KAZN: variants seen among roughly 807,000 people sequenced by gnomAD.
KAZN encodes the protein kazrin.
KAZN carries 40 observed loss-of-function variants against 87.4 expected under a neutral mutation model. The ratio of observed to expected loss-of-function variants is 0.46; its 90% CI spans 0.36 to 0.60. The LOEUF (loss-of-function observed/expected upper bound fraction) is 0.60. Among genes scored for constraint, KAZN ranks in the 20% least tolerant of loss-of-function variants. The pLI, the probability that KAZN is intolerant of heterozygous loss-of-function variation, is 0.00. For synonymous variants in KAZN, 466 were observed against 458.3 expected (o/e 1.02, Z -0.22); for missense variants, 898 against 1,073.9 (o/e 0.84, Z 2.29).
intron 1 of KAZN, among the ~76,000 whole-genome samples, chr1:14,624,403 C>T (rs1387938217): frequency 6.7e-6 from 1 of 150,212 alleles, no homozygotes; most frequent in Non-Finnish European, 1.5e-5. Context: ...GCCTGGCCAA[C>T]AGAGCGAGAC....
intron 2 of KAZN, among the ~76,000 whole-genome samples, chr1:14,406,535 C>T (rs1439353901): frequency 1.3e-5 from 2 of 151,710 alleles, no homozygotes; most frequent in African/African-American, 4.8e-5. Flanking sequence ...TTTGGGAACT[C>T]GAGGGGAAAG....
intron 2 of KAZN, among the ~76,000 whole-genome samples, chr1:14,447,461 G>T (rs6662566): frequency 0.11 from 16,714 of 151,716 alleles, 2,548 homozygotes; most frequent in African/African-American, 0.34. Flanking sequence ...GGATGGTCTC[G>T]ATCTTTTCAC....
Position 15,087,338 on chromosome 1 carries a change from TC to T in KAZN, c.1223-6841del, listed in dbSNP as rs548652747. Among the ~76,000 whole-genome samples, 78 of 136,622 alleles carry T rather than the reference TC, an allele frequency of 5.7e-4. 3 individuals are homozygous for T. The South Asian group carries it at 0.018, about 31-fold the overall frequency. The allele number at this position is 136,622 out of a possible 152,430, so 89.6% of individuals were successfully genotyped here. A position where few individuals can be genotyped will look rare whatever the true frequency, so the allele number is the denominator to read the frequency against. ...TAAATGATTATGAAATAATTTACAT[TC>T]TTTTTTTTTTCTACCGTCTTCAAAC... is the stretch of plus-strand genomic sequence containing the variant. On this transcript the variant is annotated intron_variant, in intron 8 of 14. Coordinates refer to ENST00000376030, the MANE Select transcript of KAZN (RefSeq NM_201628.3).
intron 2 of KAZN, among the ~76,000 whole-genome samples, chr1:14,272,124 T>C (rs1342443181): frequency 6.6e-6 from 1 of 152,236 alleles, no homozygotes; most frequent in Non-Finnish European, 1.5e-5. Context: ...CAGTTAGCTT[T>C]TGACACAAAG....
intron 2 of KAZN, among the ~76,000 whole-genome samples, chr1:14,429,390 A>G (rs1225366977): frequency 2.6e-5 from 4 of 152,182 alleles, no homozygotes. Flanking sequence ...CTTTTGAGTC[A>G]GTTGAACCTG....
chr1:14,540,795 T>C (rs1672763051), intron 2 of KAZN, among the ~76,000 whole-genome samples: 1 of 152,200 alleles, frequency 6.6e-6, no homozygotes, highest in Non-Finnish European at 1.5e-5. Context: ...TTTGTCCTAA[T>C]ATGAGTGATC....
At chr1:14,420,700 G>C (rs989569036) in intron 2 of KAZN, among the ~76,000 whole-genome samples, 2 of 152,144 alleles carry the variant, frequency 1.3e-5, no homozygotes, top group African/African-American at 4.8e-5. Context: ...CCTGCAGGCC[G>C]TCTCTGCTGG....
chr1:15,022,538 A>G (rs918871347), intron 2 of KAZN, among the ~76,000 whole-genome samples: 2 of 152,138 alleles, frequency 1.3e-5, no homozygotes, highest in African/African-American at 4.8e-5. Context: ...TCAGCCATGG[A>G]TGGGCCCAAG....
chr1:15,107,714 C>T (rs893897286), intron 13 of KAZN, among the ~76,000 whole-genome samples: 1 of 152,170 alleles, frequency 6.6e-6, no homozygotes, highest in East Asian at 1.9e-4. Flanking sequence ...GCCCCACCAC[C>T]GCTGCCTCCC....
rs552560002 is a variant in KAZN at position 14,175,252 on chromosome 1, T to C, written c.92-5183T>C. Among the ~76,000 whole-genome samples the C allele has an allele frequency of 6.9e-3, 1,049 of 152,304 alleles. 4 individuals carry two copies. Among genetic ancestry groups the C allele is most frequent in the Non-Finnish European group, 0.011 (727 of 68,022 alleles). ...CAGAGTAGCTGGGACTACAGGCGCC[T>C]GCCACTACGCCTGGCTGATTTTTTG... On this transcript the variant is annotated intron_variant, in intron 1 of 16. Coordinates refer to the KAZN transcript ENST00000636203.
intron 1 of KAZN, among the ~76,000 whole-genome samples, chr1:14,722,746 G>T (rs1014235185): frequency 6.6e-6 from 1 of 152,044 alleles, no homozygotes; most frequent in Non-Finnish European, 1.5e-5. Context: ...TCAACCCTTG[G>T]CCAGTCTTGC....
At chr1:14,443,123 G>A (rs751210019) in intron 2 of KAZN, among the ~76,000 whole-genome samples, 13 of 152,150 alleles carry the variant, frequency 8.5e-5, no homozygotes, top group Non-Finnish European at 1.8e-4. Flanking sequence ...ACCGTGAAAT[G>A]TTTTGGCTCT....
At chr1:14,469,282 A>C (rs1294535976) in intron 2 of KAZN, among the ~76,000 whole-genome samples, 2 of 152,226 alleles carry the variant, frequency 1.3e-5, no homozygotes. Flanking sequence ...TTTCCTATTG[A>C]CATTATTTAG....
intron 1 of KAZN, among the ~76,000 whole-genome samples, chr1:14,079,084 T>G (rs1643575164): frequency 6.6e-6 from 1 of 152,202 alleles, no homozygotes; most frequent in Non-Finnish European, 1.5e-5. Flanking sequence ...GAGGTTCATT[T>G]GGCTCACGAT....
chr1:14,924,549 C>A (rs1158539173), intron 1 of KAZN: 17 of 1,010,670 alleles, frequency 1.7e-5, no homozygotes, highest in East Asian at 1.0e-4. Context: ...CGGGTCCGAG[C>A]GGATGGCGAC....
At chr1:14,771,657 C>T (rs1333770534) in intron 1 of KAZN, among the ~76,000 whole-genome samples, 2 of 151,992 alleles carry the variant, frequency 1.3e-5, no homozygotes, top group Non-Finnish European at 2.9e-5. Flanking sequence ...GAAACCCCGT[C>T]TCTACTAAAA....
At position 13,943,240 on chromosome 1, in the gene KAZN, A is replaced by C. The variant is rs1312277406; in HGVS notation, c.91+49484A>C. On this transcript the variant is annotated intron_variant, in intron 1 of 16. Coordinates refer to the KAZN transcript ENST00000636203. Reference sequence around the variant, plus strand: ...ACTACTTTCAAAAGAGCAACAAGACAAACAATTGACTTCCCTAAGGACCTG... The same window carrying C: ...ACTACTTTCAAAAGAGCAACAAGACCAACAATTGACTTCCCTAAGGACCTG... Among the ~76,000 whole-genome samples the C allele has an allele frequency of 4.6e-5, 7 of 152,314 alleles. No individual in the cohort carries two copies. The East Asian group carries it at 1.4e-3, about 29-fold the overall frequency.
intron 1 of KAZN, among the ~76,000 whole-genome samples, chr1:14,097,499 G>A (rs950562099): frequency 6.6e-6 from 1 of 152,120 alleles, no homozygotes; most frequent in Admixed American, 6.6e-5. Context: ...AGAGACACAA[G>A]GAAATTTGAT....
chr1:14,681,311 C>T (rs560989888), intron 1 of KAZN, among the ~76,000 whole-genome samples: 18 of 152,252 alleles, frequency 1.2e-4, no homozygotes, highest in Non-Finnish European at 1.9e-4. Flanking sequence ...TTGGGCTACT[C>T]GGAGTAAAGC....
Sources: gnomAD v4.1 joint callset for allele counts (sites outside exome capture counted in the v4.1 genomes callset) on GRCh38, gnomAD v4.1.1 for gene constraint, MANE v1.5 for transcripts, NCBI Gene and HGNC (gene_info 2026-07-23, HGNC 2026-07-21) for gene names.